The following OR6K2 variants were observed in gnomAD, a reference collection of about 807,000 sequenced individuals.
OR6K2 encodes the protein olfactory receptor family 6 subfamily K member 2.
For synonymous variants in OR6K2, 139 were observed against 143.8 expected (o/e 0.97, Z 0.24); for missense variants, 450 against 402.5 (o/e 1.12, Z -1.01).
In OR6K2 at chr1:158,699,716, A is replaced by G. The variant is rs531916084; in HGVS notation, c.937T>C (p.Phe313Leu). The G allele has an allele frequency of 6.2e-7, 1 of 1,612,024 alleles. No homozygotes were observed. The highest frequency in any genetic ancestry group is 2.2e-5 in the East Asian group (1 of 44,876). The change falls in exon 1 of 1, where the codon TTT becomes CTT. Residue 313 changes from phenylalanine to leucine, a missense_variant. Coordinates refer to ENST00000359610, the MANE Select transcript of OR6K2 (RefSeq NM_001005279.3). ...CTTGAGGTCCCTGGTCTTACGGAAA[A>G]AAATATCTTAGCTTGACCTATGTGC... ...KKHIGQAKIF[F>L]SVRPGTSSKI...
Position 158,699,710 on chromosome 1 carries a change from C to T in OR6K2, c.943G>A (p.Val315Ile), listed in dbSNP as rs141972386. The change falls in exon 1 of 1, where the codon GTA becomes ATA. Residue 315 changes from valine (V) to isoleucine (I), a missense_variant. By Grantham distance (29) the Val-to-Ile change is conservative. Coordinates refer to ENST00000359610, the MANE Select transcript of OR6K2 (RefSeq NM_001005279.3). ...HIGQAKIFFS[V>I]RPGTSSKIF ...ATCTTACTTGAGGTCCCTGGTCTTA[C>T]GGAAAAAAATATCTTAGCTTGACCT... is the stretch of plus-strand genomic sequence containing the variant. 1.7e-5 allele frequency: 27 copies of T among 1,611,528 alleles called. No homozygotes were observed. Among genetic ancestry groups the T allele is most frequent in the Admixed American group, 3.4e-5 (2 of 59,454 alleles).
chr1:158,699,689 T>C lies in OR6K2; in HGVS notation c.964A>G (p.Lys322Glu). ...FFSVRPGTSS[K>E]IF is the part of the protein sequence containing the mutation. ...ATACAGAATCTCAACTAAAATATCT[T>C]ACTTGAGGTCCCTGGTCTTACGGAA... Residue 322 changes from lysine to glutamate, a missense_variant, in exon 1 of 1, where the codon AAG becomes GAG. By Grantham distance (56) the Lys-to-Glu change is moderately conservative. Coordinates refer to ENST00000359610, the MANE Select transcript of OR6K2 (RefSeq NM_001005279.3). 3.1e-6 allele frequency: 5 copies of C among 1,606,640 alleles called. No individual in the cohort carries two copies. Among genetic ancestry groups the C allele is most frequent in the Non-Finnish European group, 4.2e-6 (5 of 1,177,906 alleles).
At position 158,700,535 on chromosome 1, in the gene OR6K2, C is replaced by T. The variant is rs761275083; in HGVS notation, c.118G>A (p.Val40Ile). Residue 40 changes from valine to isoleucine, a missense_variant, in exon 1 of 1, where the codon GTT becomes ATT. Transcript: ENST00000359610. ...PLLFIYAFIV[V>I]GNLVIITVVQ... Reference sequence around the variant, plus strand: ...ACTGTGATGATGACCAGGTTTCCAACAACAATGAAAGCATAGATGAAGAGC... The same window carrying T: ...ACTGTGATGATGACCAGGTTTCCAATAACAATGAAAGCATAGATGAAGAGC... The T allele has an allele frequency of 1.2e-5, 19 of 1,614,092 alleles. No individual in the cohort carries two copies. The highest frequency in any genetic ancestry group is 1.4e-5 in the Non-Finnish European group (17 of 1,180,022).
Position 158,700,401 on chromosome 1 carries a change from G to A in OR6K2, c.252C>T (p.Ser84=). 5.6e-6 allele frequency: 9 copies of A among 1,614,136 alleles called. No homozygotes were observed. Among genetic ancestry groups the A allele is most frequent in the East Asian group, 2.2e-5 (1 of 44,872 alleles). The change falls in exon 1 of 1, where the codon AGC becomes AGT. Residue 84 remains serine, a synonymous_variant. Coordinates refer to ENST00000359610, the MANE Select transcript of OR6K2 (RefSeq NM_001005279.3). ...AGGAAATGCTCCTCTCACTAAGCAG[G>A]CTAGACAGCATCTTTGGGATTGTGG... ...TTATIPKMLS[S]LLSERSISFN...
Position 158,700,637 on chromosome 1 carries a change from G to T in OR6K2, c.16C>A (p.Arg6=). The T allele has an allele frequency of 6.2e-7, 1 of 1,609,764 alleles. No homozygotes were observed. The highest frequency in any genetic ancestry group is 1.7e-5 in the Admixed American group (1 of 59,968). The part of the protein sequence containing the change: MESPN[R]TTIQEFIFSA... ...AAGATAAACTCCTGAATGGTGGTTC[G>T]ATTGGGGCTCTCCATCTCCAAGTTG... The change falls in exon 1 of 1, where the codon CGA becomes AGA. Residue 6 remains arginine, a synonymous_variant. Coordinates refer to ENST00000359610, the MANE Select transcript of OR6K2 (RefSeq NM_001005279.3).
At position 158,700,358 on chromosome 1, in the gene OR6K2, G is replaced by A; in HGVS notation, c.295C>T (p.Gln99Ter). Residue 99 changes from glutamine (Q) to a stop codon, truncating the protein, a stop_gained, in exon 1 of 1, where the codon CAG becomes TAG. Transcript: ENST00000359610. LOFTEE classifies it high-confidence loss of function. ...RSISFNGCLL[Q>*]MYFFHSTGIC... ...CCGGTGGAATGGAAGAAATACATCT[G>A]CAGGAGACAACCATTGAAGGAAATG... is the stretch of plus-strand genomic sequence containing the variant. 1.9e-6 allele frequency: 3 copies of A among 1,614,134 alleles called. No individual in the cohort carries two copies. The highest frequency in any genetic ancestry group is 2.5e-6 in the Non-Finnish European group (3 of 1,179,984).
Position 158,699,958 on chromosome 1 carries a change from G to C in OR6K2, c.695C>G (p.Ala232Gly). ...IVAVILRIHS[A>G]GGRRTAFSTC... ...GGAAAATGCTGTGCGGCGGCCTCCAGCTGAATGAATACGTAGAATTACAGC... is the reference window on the plus strand; with the variant it reads ...GGAAAATGCTGTGCGGCGGCCTCCACCTGAATGAATACGTAGAATTACAGC... The change falls in exon 1 of 1, where the codon GCT becomes GGT. Residue 232 changes from alanine to glycine, a missense_variant. By Grantham distance (60) the Ala-to-Gly change is moderately conservative. Coordinates refer to ENST00000359610, the MANE Select transcript of OR6K2 (RefSeq NM_001005279.3). The C allele has an allele frequency of 1.2e-6, 2 of 1,614,122 alleles. No homozygotes were observed. The highest frequency in any genetic ancestry group is 1.7e-6 in the Non-Finnish European group (2 of 1,180,022).
At position 158,699,769 on chromosome 1, in the gene OR6K2, T is replaced by C. The variant is rs1192963054; in HGVS notation, c.884A>G (p.Asn295Ser). The change falls in exon 1 of 1, where the codon AAT (asparagine) becomes AGT (serine). Residue 295 changes from asparagine to serine, a missense_variant. Transcript: ENST00000359610. ...TTTTATAGCTTCTTTTATTTCTTTATTCCTCAGGCTATAGATAATGGGGTT... is the reference window on the plus strand; with the variant it reads ...TTTTATAGCTTCTTTTATTTCTTTACTCCTCAGGCTATAGATAATGGGGTT... ...FFNPIIYSLR[N>S]KEIKEAIKKH... 1 of 1,614,054 alleles carries C rather than the reference T, an allele frequency of 6.2e-7. No homozygotes were observed. The highest frequency in any genetic ancestry group is 1.7e-5 in the Admixed American group (1 of 60,008).
rs750716838 is a variant in OR6K2, at chr1:158,699,800, AG to A, written c.852del (p.Phe285SerfsTer9). 5 of 1,614,192 alleles carry A rather than the reference AG, an allele frequency of 3.1e-6. No individual in the cohort carries two copies. The highest frequency in any genetic ancestry group is 4.2e-6 in the Non-Finnish European group (5 of 1,180,030). On this transcript the variant is annotated frameshift_variant, in exon 1 of 1. Coordinates refer to ENST00000359610, the MANE Select transcript of OR6K2 (RefSeq NM_001005279.3). LOFTEE classifies it low-confidence loss of function (END_TRUNC). ...AIALAFAVLSPFFNPIIYSLR... is the reference protein window; with the variant it reads ...AIALAFAVLSXFFNPIIYSLR... ...AGGCTATAGATAATGGGGTTGAAGA[AG>A]GGAGACAAAACTGCAAAGGCCAGAG...
Position 158,700,413 on chromosome 1 carries a change from C to A in OR6K2, c.240G>T (p.Lys80Asn), listed in dbSNP as rs1655775627. 2 of 1,614,160 alleles carry A rather than the reference C, an allele frequency of 1.2e-6. No homozygotes were observed. The highest frequency in any genetic ancestry group is 2.2e-5 in the East Asian group (1 of 44,882). The change falls in exon 1 of 1, where the codon AAG becomes AAT. Residue 80 changes from lysine to asparagine, a missense_variant. Transcript: ENST00000359610. The stretch of plus-strand genomic sequence containing the variant: ...TCTCACTAAGCAGGCTAGACAGCAT[C>A]TTTGGGATTGTGGCTGTGGTATACC... ...EIWYTTATIP[K>N]MLSSLLSERS...
chr1:158,699,918 G>A lies in OR6K2; in HGVS notation c.735C>T (p.His245=), dbSNP rs1437013636. The part of the protein sequence containing the change: ...RRTAFSTCVS[H]FIVFSLFFGS... ...CAAAGAAGAGCGAAAAGACAATGAA[G>A]TGAGAGACACACGTGGAAAATGCTG... is the stretch of plus-strand genomic sequence containing the variant. Residue 245 remains histidine (H), a synonymous_variant, in exon 1 of 1, where the codon CAC becomes CAT. Transcript: ENST00000359610. The A allele has an allele frequency of 1.2e-6, 2 of 1,614,046 alleles. No homozygotes were observed. The highest frequency in any genetic ancestry group is 2.7e-5 in the African/African-American group (2 of 74,904).
chr1:158,700,516 A>G lies in OR6K2; in HGVS notation c.137T>C (p.Ile46Thr), dbSNP rs143338906. The G allele has an allele frequency of 1.2e-6, 2 of 1,614,198 alleles. No homozygotes were observed. The highest frequency in any genetic ancestry group is 8.5e-7 in the Non-Finnish European group (1 of 1,180,042). The change falls in exon 1 of 1, where the codon ATC (isoleucine) becomes ACC (threonine). Residue 46 changes from isoleucine (I) to threonine (T), a missense_variant. Physicochemically the swap from Ile to Thr is moderately conservative, Grantham distance 89. Transcript: ENST00000359610. ...AFIVVGNLVI[I>T]TVVQLNTHLH... ...GTGAGTATTCAACTGGACCACTGTG[A>G]TGATGACCAGGTTTCCAACAACAAT...
chr1:158,699,778 C>CTA lies in OR6K2; in HGVS notation c.873_874dup (p.Ser292IlefsTer3), dbSNP rs779278661. ...TTCTTTTATTTCTTTATTCCTCAGG[C>CTA]TATAGATAATGGGGTTGAAGAAGGG... On this transcript the variant is annotated frameshift_variant, in exon 1 of 1. Coordinates refer to ENST00000359610, the MANE Select transcript of OR6K2 (RefSeq NM_001005279.3). LOFTEE classifies it low-confidence loss of function (END_TRUNC). 6.8e-6 allele frequency: 11 copies of CTA among 1,613,984 alleles called. No homozygotes were observed. In the African/African-American group the frequency reaches 1.3e-4, roughly 20 times the overall value.
Position 158,700,371 on chromosome 1 carries a change from A to T in OR6K2, c.282T>A (p.Asn94Lys), listed in dbSNP as rs1487615231. ...AGAAATACATCTGCAGGAGACAACC[A>T]TTGAAGGAAATGCTCCTCTCACTAA... ...SLLSERSISF[N>K]GCLLQMYFFH... The change falls in exon 1 of 1, where the codon AAT becomes AAA. Residue 94 changes from asparagine to lysine, a missense_variant. By Grantham distance (94) the Asn-to-Lys change is moderately conservative. Coordinates refer to ENST00000359610, the MANE Select transcript of OR6K2 (RefSeq NM_001005279.3). 1 of 1,614,178 alleles carries T rather than the reference A, an allele frequency of 6.2e-7. No homozygotes were observed. Among genetic ancestry groups the T allele is most frequent in the Non-Finnish European group, 8.5e-7 (1 of 1,180,014 alleles).
Position 158,700,495 on chromosome 1 carries a change from G to A in OR6K2, c.158C>T (p.Thr53Ile). Reference protein sequence around the residue: ...LVIITVVQLNTHLHTPMYTFI... With the variant: ...LVIITVVQLNIHLHTPMYTFI... ...AGTATACATGGGAGTGTGGAGGTGA[G>A]TATTCAACTGGACCACTGTGATGAT... The change falls in exon 1 of 1, where the codon ACT becomes ATT. Residue 53 changes from threonine to isoleucine, a missense_variant. Coordinates refer to ENST00000359610, the MANE Select transcript of OR6K2 (RefSeq NM_001005279.3). 1 of 1,614,070 alleles carries A rather than the reference G, an allele frequency of 6.2e-7. No homozygotes were observed. Among genetic ancestry groups the A allele is most frequent in the Non-Finnish European group, 8.5e-7 (1 of 1,179,946 alleles).
In OR6K2 at chr1:158,699,787, A is replaced by G. The variant is rs370690677; in HGVS notation, c.866T>C (p.Ile289Thr). The part of the protein sequence containing the change: ...FAVLSPFFNP[I>T]IYSLRNKEIK... ...TTCTTTATTCCTCAGGCTATAGATA[A>G]TGGGGTTGAAGAAGGGAGACAAAAC... is the stretch of plus-strand genomic sequence containing the variant. Residue 289 changes from isoleucine to threonine, a missense_variant, in exon 1 of 1, where the codon ATT (isoleucine) becomes ACT (threonine). By Grantham distance (89) the Ile-to-Thr change is moderately conservative (BLOSUM62 -1). Transcript: ENST00000359610. The G allele has an allele frequency of 1.1e-4, 173 of 1,614,006 alleles. No homozygotes were observed. The highest frequency in any genetic ancestry group is 1.4e-4 in the Non-Finnish European group (169 of 1,179,998).
Position 158,699,962 on chromosome 1 carries a change from A to G in OR6K2, c.691T>C (p.Ser231Pro), listed in dbSNP as rs1655748717. Reference protein sequence around the residue: ...GIVAVILRIHSAGGRRTAFST... With the variant: ...GIVAVILRIHPAGGRRTAFST... ...AATGCTGTGCGGCGGCCTCCAGCTG[A>G]ATGAATACGTAGAATTACAGCCACA... The change falls in exon 1 of 1, where the codon TCA becomes CCA. Residue 231 changes from serine to proline, a missense_variant. Ser to Pro is a moderately conservative substitution (Grantham distance 74, BLOSUM62 -1). Transcript: ENST00000359610. The G allele has an allele frequency of 6.2e-7, 1 of 1,614,072 alleles. No individual in the cohort carries two copies. Among genetic ancestry groups the G allele is most frequent in the Non-Finnish European group, 8.5e-7 (1 of 1,180,038 alleles).
rs764629858 is a variant in OR6K2 at position 158,700,111 on chromosome 1, A to G, written c.542T>C (p.Leu181Pro). The G allele has an allele frequency of 6.2e-7, 1 of 1,614,168 alleles. No homozygotes were observed. Among genetic ancestry groups the G allele is most frequent in the Non-Finnish European group, 8.5e-7 (1 of 1,180,026 alleles). ...TGTGCAGGCCAGACGCAGCACTGGG[A>G]GGAAGTCACAGAAGATATGTTCAAG... Reference protein sequence around the residue: ...NHLEHIFCDFLPVLRLACTDT... With the variant: ...NHLEHIFCDFPPVLRLACTDT... The change falls in exon 1 of 1, where the codon CTC becomes CCC. Residue 181 changes from leucine to proline, a missense_variant. Coordinates refer to ENST00000359610, the MANE Select transcript of OR6K2 (RefSeq NM_001005279.3).
rs1655756883 is a variant in OR6K2, at chr1:158,700,124, A to T, written c.529T>A (p.Phe177Ile). Residue 177 changes from phenylalanine (F) to isoleucine (I), a missense_variant, in exon 1 of 1, where the codon TTC becomes ATC. Phe to Ile is a conservative substitution (Grantham distance 21). Coordinates refer to ENST00000359610, the MANE Select transcript of OR6K2 (RefSeq NM_001005279.3). The part of the protein sequence containing the change: ...FCGSNHLEHI[F>I]CDFLPVLRLA... ...CGCAGCACTGGGAGGAAGTCACAGA[A>T]GATATGTTCAAGGTGATTCGAACCA... The T allele has an allele frequency of 6.2e-7, 1 of 1,614,058 alleles. No homozygotes were observed.
Sources: gnomAD v4.1 joint callset for allele counts on GRCh38, gnomAD v4.1.1 for gene constraint, MANE v1.5 for transcripts, NCBI Gene and HGNC (gene_info 2026-07-23, HGNC 2026-07-21) for gene names.